GPC6: variants seen among roughly 807,000 people sequenced by gnomAD.
GPC6 encodes glypican-6.
In GPC6, 14 loss-of-function variants were observed where a neutral mutation model predicts 55.2. The observed-to-expected ratio is 0.25, with a 90% CI of 0.17 to 0.40. The LOEUF is 0.40. Ranked by LOEUF, GPC6 falls within the 10% of genes least tolerant of loss-of-function variation. The pLI, the probability that GPC6 is intolerant of heterozygous loss-of-function variation, is 1.00. For missense variants in GPC6, 641 were observed against 708.5 expected (o/e 0.90, Z 1.08); for synonymous variants, 278 against 259.6 (o/e 1.07, Z -0.68).
At chr13:94,002,514 T>A (rs1197263480) in intron 3 of GPC6, among the ~76,000 whole-genome samples, 2 of 152,188 alleles carry the variant, frequency 1.3e-5, no homozygotes, top group Non-Finnish European at 2.9e-5. Context: ...TTAATCCACT[T>A]TTTCTTTGCC....
In GPC6 at chr13:93,956,614, C is replaced by G. The variant is rs74109162; in HGVS notation, c.712-71115C>G. Among the ~76,000 whole-genome samples, 481 of 152,262 alleles carry G rather than the reference C, an allele frequency of 3.2e-3. 3 individuals carry two copies. Among genetic ancestry groups the G allele is most frequent in the African/African-American group, 0.01 (426 of 41,572 alleles). ...CAATCCTAAATGGAGATGACACCAT[C>G]AATTAATCAAACAACACATATTTAT... On this transcript the variant is annotated intron_variant, in intron 3 of 8. Coordinates refer to ENST00000377047, the MANE Select transcript of GPC6 (RefSeq NM_005708.5).
intron 1 of GPC6, among the ~76,000 whole-genome samples, chr13:93,408,349 G>A (rs2139241324): frequency 6.6e-6 from 1 of 152,246 alleles, no homozygotes. Flanking sequence ...AACAGGATGG[G>A]TACAGCACTG....
intron 2 of GPC6, among the ~76,000 whole-genome samples, chr13:93,585,706 T>C (rs1877164798): frequency 1.3e-5 from 2 of 152,176 alleles, no homozygotes; most frequent in South Asian, 4.1e-4. Context: ...TTCTAAATTA[T>C]TTTTTTATTT....
chr13:93,968,354 T>C (rs1342775567), intron 3 of GPC6, among the ~76,000 whole-genome samples: 1 of 152,218 alleles, frequency 6.6e-6, no homozygotes, highest in African/African-American at 2.4e-5. Context: ...TCTGTAGCTT[T>C]ATCCAAAGGC....
chr13:93,306,904 G>A (rs754761737), intron 1 of GPC6, among the ~76,000 whole-genome samples: 5 of 151,990 alleles, frequency 3.3e-5, no homozygotes, highest in Admixed American at 1.3e-4. Flanking sequence ...GCAAACTCTC[G>A]GTTCCAATAG....
intron 2 of GPC6, among the ~76,000 whole-genome samples, chr13:93,673,110 G>T (rs1881437319): frequency 6.6e-6 from 1 of 152,096 alleles, no homozygotes; most frequent in Admixed American, 6.5e-5. Context: ...GTGAGTCTGA[G>T]GAGTTGGATG....
At chr13:93,997,764 A>G (rs1881624702) in intron 3 of GPC6, among the ~76,000 whole-genome samples, 1 of 152,208 alleles carries the variant, frequency 6.6e-6, no homozygotes, top group South Asian at 2.1e-4. Context: ...TGTTTGCTTT[A>G]CACAAGGTAA....
intron 6 of GPC6, among the ~76,000 whole-genome samples, chr13:94,373,210 T>C (rs1164123447): frequency 6.6e-6 from 1 of 152,212 alleles, no homozygotes; most frequent in Non-Finnish European, 1.5e-5. Flanking sequence ...CAAAGCTGGA[T>C]GGAGAATGAC....
rs567940424 is a variant in GPC6 at position 93,725,110 on chromosome 13, T to C, written c.320-105044T>C. Among the ~76,000 whole-genome samples the C allele has an allele frequency of 2.0e-5, 3 of 152,204 alleles. No homozygotes were observed. In the East Asian group the frequency reaches 5.8e-4, roughly 29 times the overall value. ...TAAAGAAGCTAGGTTTAGTCATTTT[T>C]AATTGACTTTAAGTTATAAAATTAC... On this transcript the variant is annotated intron_variant, in intron 2 of 8. Transcript: ENST00000377047.
At chr13:93,691,637 C>A (rs1882260402) in intron 2 of GPC6, among the ~76,000 whole-genome samples, 1 of 151,876 alleles carries the variant, frequency 6.6e-6, no homozygotes, top group Non-Finnish European at 1.5e-5. Context: ...CTTCATGTTT[C>A]TGAGGTTTTT....
intron 1 of GPC6, among the ~76,000 whole-genome samples, chr13:93,241,403 A>T (rs1173789277): frequency 1.3e-5 from 2 of 152,164 alleles, no homozygotes; most frequent in African/African-American, 4.8e-5. Context: ...AAGCTCTGAA[A>T]TTATTTCTTT....
Position 93,886,950 on chromosome 13 carries a change from A to G in GPC6, c.711+56405A>G, listed in dbSNP as rs555921776. Among the ~76,000 whole-genome samples the G allele has an allele frequency of 2.6e-5, 4 of 152,048 alleles. No individual in the cohort carries two copies. The East Asian group carries it at 7.8e-4, about 29-fold the overall frequency. On this transcript the variant is annotated intron_variant, in intron 3 of 8. Transcript: ENST00000377047. ...ATACATGCGTCTAACTGGACCTACT[A>G]TGTAAATATACACATGGTACATGCA... is the stretch of plus-strand genomic sequence containing the variant.
At chr13:94,305,038 G>A (rs145693012) in intron 5 of GPC6, among the ~76,000 whole-genome samples, 2 of 152,098 alleles carry the variant, frequency 1.3e-5, no homozygotes, top group African/African-American at 2.4e-5. Flanking sequence ...AATCCCAAAC[G>A]GATGTTTATA....
chr13:94,040,732 A>G (rs1173869682), intron 4 of GPC6, among the ~76,000 whole-genome samples: 1 of 151,856 alleles, frequency 6.6e-6, no homozygotes, highest in African/African-American at 2.4e-5. Context: ...CAGTTTCTTC[A>G]TAGAGGATTT....
intron 2 of GPC6, among the ~76,000 whole-genome samples, chr13:93,675,640 C>G (rs1387571173): frequency 6.6e-6 from 1 of 152,136 alleles, no homozygotes; most frequent in Non-Finnish European, 1.5e-5. Context: ...GGAAACATTT[C>G]AGACATATAT....
chr13:94,284,281 A>G (rs1244747283), intron 4 of GPC6, among the ~76,000 whole-genome samples: 2 of 152,112 alleles, frequency 1.3e-5, no homozygotes, highest in African/African-American at 2.4e-5. Flanking sequence ...TTGTCACCTC[A>G]TCATGTTTGA....
intron 3 of GPC6, among the ~76,000 whole-genome samples, chr13:93,897,599 T>C (rs1322935010): frequency 6.6e-6 from 1 of 152,166 alleles, no homozygotes; most frequent in African/African-American, 2.4e-5. Flanking sequence ...ACATATATCT[T>C]TCACTTAAAT....
intron 3 of GPC6, among the ~76,000 whole-genome samples, chr13:93,886,705 G>A (rs533675307): frequency 2.6e-4 from 38 of 148,996 alleles, no homozygotes; most frequent in African/African-American, 8.6e-4. Flanking sequence ...AATGACGTTT[G>A]TAGATAGTTT....
intron 1 of GPC6, among the ~76,000 whole-genome samples, chr13:93,360,766 T>C (rs904033805): frequency 6.6e-6 from 1 of 152,220 alleles, no homozygotes; most frequent in Admixed American, 6.5e-5. Context: ...CCAAACACTT[T>C]CTGTTAGAAA....
Sources: allele counts gnomAD v4.1 joint callset (sites outside exome capture counted in the v4.1 genomes callset), GRCh38; gene constraint gnomAD v4.1.1; transcripts MANE v1.5; gene names NCBI Gene and HGNC (gene_info 2026-07-23, HGNC 2026-07-21).